ITPR1: variants seen among roughly 807,000 people sequenced by gnomAD.
ITPR1 encodes the protein inositol 1,4,5-trisphosphate-gated calcium channel ITPR1.
A neutral mutation model predicts 318.4 loss-of-function variants in ITPR1; 96 were observed. That is an observed-to-expected ratio of 0.30 (90% CI 0.26 to 0.36). The LOEUF (loss-of-function observed/expected upper bound fraction) is 0.36, where lower values mean the gene tolerates loss of function less well. ITPR1 is among the 10% of genes least tolerant of loss of function. The pLI is 1.00. For missense variants in ITPR1, 2,440 were observed against 3,460.2 expected, an observed-to-expected ratio of 0.71 and a Z score of 7.40; for synonymous variants, 1,312 against 1,289.9, an observed-to-expected ratio of 1.02 and a Z score of -0.37.
intron 33 of ITPR1, among the ~76,000 whole-genome samples, chr3:4,695,230 T>G (rs1460373893): frequency 6.6e-6 from 1 of 152,236 alleles, no homozygotes; most frequent in African/African-American, 2.4e-5. Context: ...GGCCACAGTA[T>G]GTTATCACAC....
intron 44 of ITPR1, among the ~76,000 whole-genome samples, chr3:4,736,198 CAT>C (rs1236003031): frequency 6.6e-6 from 1 of 151,930 alleles, no homozygotes; most frequent in Non-Finnish European, 1.5e-5. Context: ...TACACACACA[CAT>C]ATGTTTTGAT....
chr3:4,814,318 CT>C, intron 57 of ITPR1, 104 bp from the exon 58 acceptor site: 1 of 1,229,162 alleles, frequency 8.1e-7, no homozygotes. Flanking sequence ...TAATTTTATT[CT>C]TTCGTGTGCC....
chr3:4,775,214 A>T, intron 46 of ITPR1, 28 bp from the exon 47 acceptor site: 2 of 1,557,658 alleles, frequency 1.3e-6, no homozygotes, highest in Non-Finnish European at 1.8e-6. Flanking sequence ...GCCTTTGCTC[A>T]CCGAACCTGG....
chr3:4,692,742 A>T (rs955270292), intron 32 of ITPR1, among the ~76,000 whole-genome samples: 2 of 138,428 alleles, frequency 1.4e-5, no homozygotes, highest in African/African-American at 2.6e-5. Context: ...AGAGGAAGGC[A>T]TATCTTAATT....
At chr3:4,689,883 G>C (rs2094453917) in intron 31 of ITPR1, among the ~76,000 whole-genome samples, 1 of 152,222 alleles carries the variant, frequency 6.6e-6, no homozygotes, top group Non-Finnish European at 1.5e-5. Flanking sequence ...AGGGGAGGCA[G>C]AGAGTAAAAG....
chr3:4,589,825 A>G (rs532828798), intron 4 of ITPR1, among the ~76,000 whole-genome samples: 1 of 152,294 alleles, frequency 6.6e-6, no homozygotes, highest in South Asian at 2.1e-4. Context: ...TCACAGACAA[A>G]TTGGATCAGA....
At chr3:4,559,481 G>T (rs2125014022) in intron 4 of ITPR1, among the ~76,000 whole-genome samples, 1 of 152,168 alleles carries the variant, frequency 6.6e-6, no homozygotes. Flanking sequence ...TGTTTTTAAT[G>T]ACTAAATTTA....
intron 42 of ITPR1, among the ~76,000 whole-genome samples, chr3:4,728,027 T>C (rs1371975543): frequency 6.6e-6 from 1 of 152,162 alleles, no homozygotes; most frequent in East Asian, 1.9e-4. Flanking sequence ...ATCTGAGCAT[T>C]TGTTTTGAAA....
chr3:4,644,868 G>A (rs1020053274), intron 8 of ITPR1, among the ~76,000 whole-genome samples: 1 of 152,130 alleles, frequency 6.6e-6, no homozygotes, highest in Non-Finnish European at 1.5e-5. Context: ...TGGGGGCGGC[G>A]GTCGGACCTA....
intron 4 of ITPR1, among the ~76,000 whole-genome samples, chr3:4,544,378 A>C (rs905327069): frequency 2.0e-5 from 3 of 152,232 alleles, no homozygotes; most frequent in Non-Finnish European, 4.4e-5. Context: ...CACAGGAGCA[A>C]GTAGCTCTTA....
chr3:4,514,111 C>T (rs1188787716), intron 2 of ITPR1, among the ~76,000 whole-genome samples: 1 of 151,500 alleles, frequency 6.6e-6, no homozygotes, highest in African/African-American at 2.4e-5. Context: ...GTCTGATAGA[C>T]CTGGGTTGTA....
At chr3:4,665,319 A>G in intron 17 of ITPR1, 23 bp downstream of exon 17, 1 of 1,588,568 alleles carries the variant, frequency 6.3e-7, no homozygotes, top group Non-Finnish European at 8.6e-7. Context: ...CATTGGTGGG[A>G]TGTGGTTGTC....
At chr3:4,595,865 A>C (rs1303137117) in intron 4 of ITPR1, among the ~76,000 whole-genome samples, 2 of 152,168 alleles carry the variant, frequency 1.3e-5, no homozygotes, top group African/African-American at 4.8e-5. Flanking sequence ...TGTTCTTAAG[A>C]AATCAGAAAG....
chr3:4,615,361 A>G (rs897318114), intron 4 of ITPR1, among the ~76,000 whole-genome samples: 11 of 146,926 alleles, frequency 7.5e-5, no homozygotes, highest in Non-Finnish European at 1.3e-4. Context: ...TGCCTTTCCA[A>G]CTGATTTCTT....
At chr3:4,696,669 G>A (rs1176383408) in intron 33 of ITPR1, among the ~76,000 whole-genome samples, 8 of 108,850 alleles carry the variant, frequency 7.3e-5, no homozygotes, top group Admixed American at 1.2e-4. Context: ...GCCCCTTGCC[G>A]TGTGTTTTTT....
intron 48 of ITPR1, among the ~76,000 whole-genome samples, chr3:4,778,842 G>GA (rs978611360): frequency 4.6e-5 from 7 of 151,624 alleles, no homozygotes; most frequent in Non-Finnish European, 7.4e-5. Context: ...TCCAAAAAAA[G>GA]AAAAAAAACC....
chr3:4,761,602 C>T (rs969921461), intron 44 of ITPR1, among the ~76,000 whole-genome samples: 4 of 152,226 alleles, frequency 2.6e-5, no homozygotes, highest in Non-Finnish European at 4.4e-5. Flanking sequence ...AGGGCTACCT[C>T]ACACCTGCCA....
intron 7 of ITPR1, among the ~76,000 whole-genome samples, chr3:4,643,304 G>A (rs1006444030): frequency 1.3e-5 from 2 of 152,194 alleles, no homozygotes; most frequent in African/African-American, 4.8e-5. Context: ...GGTTTTTCAT[G>A]TTAGGAAACC....
intron 4 of ITPR1, among the ~76,000 whole-genome samples, chr3:4,534,343 C>T (rs1461689963): frequency 1.7e-4 from 26 of 152,226 alleles, no homozygotes; most frequent in Non-Finnish European, 2.9e-5. Flanking sequence ...CCCCCGGTGG[C>T]GGCTACTTCT....
Sources: allele counts gnomAD v4.1 joint callset (sites outside exome capture counted in the v4.1 genomes callset), GRCh38; gene constraint gnomAD v4.1.1; transcripts MANE v1.5; gene names NCBI Gene and HGNC (gene_info 2026-07-23, HGNC 2026-07-21).